ATAD2B: variants seen among roughly 807,000 people sequenced by gnomAD.
ATAD2B encodes ATPase family AAA domain containing 2B.
In ATAD2B, 40 loss-of-function variants were observed where a neutral mutation model predicts 167.6. The ratio of observed to expected loss-of-function variants is 0.24; its 90% CI spans 0.19 to 0.31. ATAD2B has a LOEUF of 0.31. ATAD2B is among the 10% of genes least tolerant of loss of function. ATAD2B has a pLI of 1.00. For missense variants in ATAD2B, 1,242 were observed against 1,757.2 expected, an observed-to-expected ratio of 0.71 and a Z score of 5.24; for synonymous variants, 579 against 596.5, an observed-to-expected ratio of 0.97 and a Z score of 0.43.
chr2:23,859,727 C>T (rs1694035575), intron 12 of ATAD2B, among the ~76,000 whole-genome samples: 1 of 151,956 alleles, frequency 6.6e-6, no homozygotes, highest in African/African-American at 2.4e-5. Flanking sequence ...ACAGGCGGAT[C>T]TCTTGAGGTC....
At chr2:23,904,004 G>A (rs963940244) in intron 1 of ATAD2B, among the ~76,000 whole-genome samples, 3 of 152,006 alleles carry the variant, frequency 2.0e-5, no homozygotes, top group African/African-American at 4.8e-5. Flanking sequence ...AGGTGATGAC[G>A]GGAGAAGTAT....
chr2:23,723,771 C>T, the ATAD2B span, among the ~76,000 whole-genome samples: 11,607 of 152,098 alleles, frequency 0.076, 573 homozygotes, highest in South Asian at 0.13. Context: ...GGGAATTTAC[C>T]GAAGGAAAGG....
chr2:23,897,801 T>A (rs1398978858), intron 1 of ATAD2B, among the ~76,000 whole-genome samples: 2 of 152,290 alleles, frequency 1.3e-5, no homozygotes, highest in East Asian at 1.9e-4. Flanking sequence ...TAGATTAGCA[T>A]TTCTCCAAGG....
chr2:23,753,920 T>C (rs1289892025), intron 27 of ATAD2B, among the ~76,000 whole-genome samples: 1 of 152,084 alleles, frequency 6.6e-6, no homozygotes, highest in African/African-American at 2.4e-5. Flanking sequence ...TCTGTATATT[T>C]ACCACCCTAG....
chr2:23,762,649 A>G (rs1676896298), intron 23 of ATAD2B, among the ~76,000 whole-genome samples: 1 of 152,196 alleles, frequency 6.6e-6, no homozygotes, highest in East Asian at 1.9e-4. Flanking sequence ...TGGAACAATA[A>G]GATTATATAT....
chr2:23,823,108 T>C (rs936102295), intron 16 of ATAD2B, 150 bp downstream of exon 16: 12 of 681,720 alleles, frequency 1.8e-5, no homozygotes, highest in Non-Finnish European at 2.9e-5. Flanking sequence ...AACTACCATA[T>C]GCCAGGCAAT....
the ATAD2B span, among the ~76,000 whole-genome samples, chr2:23,704,371 G>T: frequency 4.6e-5 from 7 of 152,234 alleles, no homozygotes; most frequent in Non-Finnish European, 7.3e-5. Flanking sequence ...AGAGGGCTGA[G>T]TGTGGCTCGG....
chr2:23,709,044 TTTTC>T, the ATAD2B span, among the ~76,000 whole-genome samples: 13 of 151,946 alleles, frequency 8.6e-5, no homozygotes, highest in African/African-American at 3.1e-4. Context: ...TCTTTTCTTT[TTTTC>T]TTTTTTATTG....
At chr2:23,693,505 A>G in the ATAD2B span, 1 of 1,550,856 alleles carries the variant, frequency 6.4e-7, no homozygotes, top group African/African-American at 1.4e-5. Flanking sequence ...GTGGATCAAG[A>G]AGGACCCCGC....
chr2:23,703,361 A>G, the ATAD2B span: 1 of 1,514,622 alleles, frequency 6.6e-7, no homozygotes, highest in Non-Finnish European at 8.8e-7. Flanking sequence ...GTGGAGCTTC[A>G]TCGAGTCCCC....
chr2:23,804,642 A>C (rs1348323785), intron 18 of ATAD2B, among the ~76,000 whole-genome samples: 1 of 151,706 alleles, frequency 6.6e-6, no homozygotes, highest in Non-Finnish European at 1.5e-5. Flanking sequence ...TTGGCCAAGC[A>C]GGATTCAGAA....
At chr2:23,809,365 C>T (rs1350157622) in intron 18 of ATAD2B, among the ~76,000 whole-genome samples, 1 of 152,010 alleles carries the variant, frequency 6.6e-6, no homozygotes, top group Admixed American at 6.6e-5. Context: ...ATCCAGAGAA[C>T]TGTGAGTAAA....
intron 19 of ATAD2B, among the ~76,000 whole-genome samples, chr2:23,794,488 A>C (rs940976853): frequency 2.3e-4 from 35 of 152,260 alleles, no homozygotes; most frequent in African/African-American, 8.4e-4. Flanking sequence ...TCCCCTGAAA[A>C]AGTCTTGGGG....
rs1435898266 is a variant in ATAD2B, at chr2:23,782,996, T to G, written c.3006A>C (p.Pro1002=). 6.4e-7 allele frequency: 1 copy of G among 1,563,008 alleles called. No individual in the cohort carries two copies. The highest frequency in any genetic ancestry group is 1.1e-5 in the South Asian group (1 of 88,638). Reference sequence around the variant, plus strand: ...TAGTTATTACTGTTGATAAGTCCATTGGTTCCTTGATTACTTCAAGATAAT... The same window carrying G: ...TAGTTATTACTGTTGATAAGTCCATGGGTTCCTTGATTACTTCAAGATAAT... ...VSDYLEVIKE[P]MDLSTVITKI... Residue 1002 remains proline (P), a synonymous_variant, in exon 22 of 28, where the codon CCA becomes CCC. Transcript: ENST00000238789.
At chr2:23,829,406 T>C (rs1265854389) in intron 14 of ATAD2B, among the ~76,000 whole-genome samples, 2 of 152,234 alleles carry the variant, frequency 1.3e-5, no homozygotes, top group Non-Finnish European at 2.9e-5. Flanking sequence ...AAATAACAAG[T>C]AACTTAAACT....
chr2:23,731,127 A>T, the ATAD2B span, among the ~76,000 whole-genome samples: 5 of 152,208 alleles, frequency 3.3e-5, no homozygotes, highest in African/African-American at 9.7e-5. Flanking sequence ...AATGCATTGT[A>T]ATACATCAAA....
At chr2:23,792,962 CAAAAAAAAAAAAAAA>C (rs36015161) in intron 19 of ATAD2B, among the ~76,000 whole-genome samples, 4 of 42,556 alleles carry the variant, frequency 9.4e-5, no homozygotes, top group African/African-American at 4.6e-4. Context: ...GACTCTGTCT[CAAAAAAAAAAAAAAA>C]AAAAAAAAAA....
chr2:23,896,047 T>C (rs1233615286), intron 1 of ATAD2B, 77 bp from the exon 2 acceptor site: 14 of 1,251,548 alleles, frequency 1.1e-5, no homozygotes, highest in Admixed American at 4.4e-5. Flanking sequence ...GGCCAGGCAG[T>C]GGCTCACTCC....
the ATAD2B span, among the ~76,000 whole-genome samples, chr2:23,739,621 T>A: frequency 6.6e-6 from 1 of 151,942 alleles, no homozygotes; most frequent in Non-Finnish European, 1.5e-5. Context: ...ATTGACACCC[T>A]AACATCACAA....
Sources: gnomAD v4.1 joint callset for allele counts (sites outside exome capture counted in the v4.1 genomes callset) on GRCh38, gnomAD v4.1.1 for gene constraint, MANE v1.5 for transcripts, NCBI Gene and HGNC (gene_info 2026-07-23, HGNC 2026-07-21) for gene names.